Variants in CDKN1A observed in about 807,000 individuals in gnomAD.
The protein encoded by CDKN1A is cyclin-dependent kinase inhibitor 1.
Under a neutral mutation model 14.8 loss-of-function variants are expected in CDKN1A, and 14 were observed. That is an observed-to-expected ratio of 0.94 (90% confidence interval 0.62 to 1.48). CDKN1A has a LOEUF of 1.48. CDKN1A is among the 40% of genes most tolerant of loss of function. The pLI is 0.00. For synonymous variants in CDKN1A, 92 were observed against 93.5 expected (o/e 0.98, Z 0.09); for missense variants, 203 against 231.7 (o/e 0.88, Z 0.80).
At chr6:36,678,603 C>T, upstream of CDKN1A, 1 of 946,194 alleles carries the variant, frequency 1.1e-6, no homozygotes, top group Non-Finnish European at 1.3e-6. This position sits in a 1 kb window ranked among gnomAD's most constrained non-coding sequence, Gnocchi z 5.7. Context: ...AGCCTGGGCC[C>T]CGGGGAGGGC....
In CDKN1A at chr6:36,685,797, C is replaced by T. The variant is rs1461842857; in HGVS notation, c.492C>T (p.Pro164=). Residue 164 remains proline, a synonymous_variant, in exon 3 of 3, where the codon CCC becomes CCT. Transcript: ENST00000244741. ...GGCTGATCTTCTCCAAGAGGAAGCCCTAATCCGCCCACAGGAAGCCTGCAG... is the reference window on the plus strand; with the variant it reads ...GGCTGATCTTCTCCAAGAGGAAGCCTTAATCCGCCCACAGGAAGCCTGCAG... The part of the protein sequence containing the change: ...KRRLIFSKRK[P] 5.6e-6 allele frequency: 9 copies of T among 1,614,054 alleles called. No individual in the cohort carries two copies. In the Admixed American group the frequency reaches 8.3e-5, roughly 15 times the overall value.
chr6:36,680,340 G>GTGTCTGTGTC (rs1554185254), intron 1 of CDKN1A: 2 of 148,238 alleles, frequency 1.3e-5, no homozygotes, highest in South Asian at 2.2e-4. Context: ...GTGTGTGTGT[G>GTGTCTGTGTC]TGTGTCTGTG....
intron 1 of CDKN1A, among the ~76,000 whole-genome samples, chr6:36,683,186 C>T (rs1023336160): frequency 6.6e-6 from 1 of 152,240 alleles, no homozygotes; most frequent in Non-Finnish European, 1.5e-5. Context: ...TACATTAACT[C>T]AGTTAATTCT....
chr6:36,679,803 T>A (rs1761844413), intron 1 of CDKN1A, among the ~76,000 whole-genome samples: 1 of 143,368 alleles, frequency 7.0e-6, no homozygotes, highest in Non-Finnish European at 1.5e-5. Flanking sequence ...GGCGCTGGAC[T>A]CCGGGGCGGG....
At chr6:36,681,696 C>T (rs376361545) in intron 1 of CDKN1A, among the ~76,000 whole-genome samples, 4 of 150,626 alleles carry the variant, frequency 2.7e-5, no homozygotes, top group South Asian at 4.2e-4. Context: ...GGGTTCACGC[C>T]ATTCTCCTGC....
At chr6:36,681,574 C>G (rs1380088113) in intron 1 of CDKN1A, among the ~76,000 whole-genome samples, 1 of 147,720 alleles carries the variant, frequency 6.8e-6, no homozygotes, top group Non-Finnish European at 1.5e-5. Flanking sequence ...TCCCCCCGCC[C>G]CCATGCCCAG....
At chr6:36,681,585 ATTTTTTTTTTT>A (rs908259380) in intron 1 of CDKN1A, among the ~76,000 whole-genome samples, 3 of 67,452 alleles carry the variant, frequency 4.4e-5, no homozygotes, top group African/African-American at 1.2e-4. Flanking sequence ...CCATGCCCAG[ATTTTTTTTTTT>A]TTTTTTTTTT....
At position 36,685,670 on chromosome 6, in the gene CDKN1A, C is replaced by T. The variant is rs1431804712; in HGVS notation, c.446-81C>T. 2.1e-6 allele frequency: 3 copies of T among 1,429,964 alleles called. No individual in the cohort carries two copies. The African/African-American group carries it at 4.2e-5, about 20-fold the overall frequency. The allele number at this position is 1,429,964 out of a possible 1,614,324, so 88.6% of individuals were successfully genotyped here. On this transcript the variant is annotated intron_variant, in intron 2 of 2. Transcript: ENST00000244741. ...TGGCCCCAGGGAAGGGTGTCCTGGCCCCCCACTGTCTTCCTCAGTTGGGCA... is the reference window on the plus strand; with the variant it reads ...TGGCCCCAGGGAAGGGTGTCCTGGCTCCCCACTGTCTTCCTCAGTTGGGCA...
upstream of CDKN1A, chr6:36,678,694 C>CCAGCT: frequency 1.0e-6 from 1 of 985,402 alleles, no homozygotes; most frequent in Non-Finnish European, 1.2e-6. The surrounding 1 kb of genome is among the most constrained non-coding windows in gnomAD (Gnocchi z 5.7). Context: ...ATATCAGGGC[C>CCAGCT]GCGCTGAGCT....
At chr6:36,681,280 T>TCTTTCTTTCTTTCTTTCTTTC (rs1554185351) in intron 1 of CDKN1A, among the ~76,000 whole-genome samples, 2 of 112,790 alleles carry the variant, frequency 1.8e-5, no homozygotes, top group African/African-American at 6.9e-5. Context: ...TTCTTTCTTT[T>TCTTTCTTTCTTTCTTTCTTTC]TTTCTTTCTT....
chr6:36,683,999 A>T, intron 1 of CDKN1A, 98 bp from the exon 2 acceptor site: 1 of 1,147,740 alleles, frequency 8.7e-7, no homozygotes, highest in Non-Finnish European at 1.3e-6. Flanking sequence ...ACCCTCTGGT[A>T]GGAAGACGTC....
chr6:36,685,702 C>A, intron 2 of CDKN1A, 49 bp from the exon 3 acceptor site: 1 of 1,603,926 alleles, frequency 6.2e-7, no homozygotes, highest in South Asian at 1.1e-5. Flanking sequence ...GGCAGCTCCG[C>A]CGCGTCCTCT....
At chr6:36,677,966 G>A, upstream of CDKN1A, 1 of 1,052,514 alleles carries the variant, frequency 9.5e-7, no homozygotes, top group Non-Finnish European at 1.3e-6. Flanking sequence ...TTGGTTCAAT[G>A]TCCAATTCTT....
rs1762223769 is a variant in CDKN1A, at chr6:36,686,814, C to T, written c.*1014C>T. 2 of 233,820 alleles carry T rather than the reference C, an allele frequency of 8.6e-6. No homozygotes were observed. Among genetic ancestry groups the T allele is most frequent in the Non-Finnish European group, 1.7e-5 (2 of 118,240 alleles). The allele number at this position is 233,820 out of a possible 1,614,324, so 14.5% of individuals were successfully genotyped here. ...GGGGTGAGGGTCCCATGTGGTGGCA[C>T]AGGCCCCCTTGAGTGGGGTTATCTC... On this transcript the variant is annotated 3_prime_UTR_variant, in exon 3 of 3. Transcript: ENST00000244741. The surrounding 1 kb of genome is among the most constrained non-coding windows in gnomAD (Gnocchi z 4.9).
At chr6:36,678,689 A>C (rs934486987), upstream of CDKN1A, 3 of 985,380 alleles carry the variant, frequency 3.0e-6, no homozygotes, top group South Asian at 4.7e-5. This position sits in a 1 kb window ranked among gnomAD's most constrained non-coding sequence, Gnocchi z 5.7. Flanking sequence ...GTTGTATATC[A>C]GGGCCGCGCT....
rs1762214659 is a variant in CDKN1A at position 36,686,563 on chromosome 6, C to T, written c.*763C>T. ...CTCCCCTGTACCTTTTGAGGAGCCC[C>T]AGCTACCCTTTTTCTCCAGCTGGGC... On this transcript the variant is annotated 3_prime_UTR_variant, in exon 3 of 3. Coordinates refer to ENST00000244741, the MANE Select transcript of CDKN1A (RefSeq NM_000389.5). This position sits in a 1 kb window ranked among gnomAD's most constrained non-coding sequence, Gnocchi z 4.9. The T allele has an allele frequency of 4.3e-6, 1 of 233,908 alleles. No homozygotes were observed. The highest frequency in any genetic ancestry group is 5.6e-5 in the Admixed American group (1 of 17,788). 14.5% of individuals were successfully genotyped at this position (233,908 alleles called of 1,614,324 possible).
At position 36,684,961 on chromosome 6, in the gene CDKN1A, A is replaced by G. The variant is rs373874666; in HGVS notation, c.445+415A>G. Among the ~76,000 whole-genome samples, 59 of 152,254 alleles carry G rather than the reference A, an allele frequency of 3.9e-4. No individual in the cohort carries two copies. The highest frequency in any genetic ancestry group is 1.3e-3 in the African/African-American group (54 of 41,544). On this transcript the variant is annotated intron_variant, in intron 2 of 2. Transcript: ENST00000244741. The surrounding 1 kb of genome is among the most constrained non-coding windows in gnomAD (Gnocchi z 6.0). ...ATCTTCCTACCTCAGCCTCCTGGGT[A>G]GCTGGGAAGCTGGGACTATAGTTGT...
intron 1 of CDKN1A, among the ~76,000 whole-genome samples, chr6:36,683,001 C>CT (rs767779059): frequency 8.5e-5 from 13 of 152,146 alleles, no homozygotes; most frequent in Admixed American, 8.5e-4. Flanking sequence ...ACCCGCCTGA[C>CT]GACATCCTTG....
chr6:36,683,204 A>G (rs1762075776), intron 1 of CDKN1A, among the ~76,000 whole-genome samples: 1 of 152,204 alleles, frequency 6.6e-6, no homozygotes, highest in Non-Finnish European at 1.5e-5. Flanking sequence ...TCTCATGTCT[A>G]TCCTCTGAGA....
Sources: gnomAD v4.1 joint callset for allele counts (sites outside exome capture counted in the v4.1 genomes callset) on GRCh38, gnomAD v4.1.1 for gene constraint, Gnocchi (gnomAD v3.1) non-coding constraint, MANE v1.5 for transcripts, NCBI Gene and HGNC (gene_info 2026-07-23, HGNC 2026-07-21) for gene names.